The following DIP2C variants were observed in gnomAD, a reference collection of about 807,000 sequenced individuals.
The protein encoded by DIP2C is disco-interacting protein 2 homolog C.
A neutral mutation model predicts 192.4 loss-of-function variants in DIP2C; 33 were observed. The ratio of observed to expected loss-of-function variants is 0.17; its 90% confidence interval spans 0.13 to 0.23. The LOEUF (loss-of-function observed/expected upper bound fraction) is 0.23, where lower values mean the gene tolerates loss of function less well. Among genes scored for constraint, DIP2C ranks in the 10% least tolerant of loss-of-function variants. The pLI is 1.00. For synonymous variants in DIP2C, 979 were observed against 864.1 expected (o/e 1.13, Z -2.33); for missense variants, 1,537 against 2,110.1 (o/e 0.73, Z 5.32).
chr10:580,379 T>C (rs1314125430), intron 1 of DIP2C, among the ~76,000 whole-genome samples: 1 of 152,176 alleles, frequency 6.6e-6, no homozygotes, highest in Non-Finnish European at 1.5e-5. Flanking sequence ...CATGTATATA[T>C]ATAAGTACAC....
At position 472,601 on chromosome 10, in the gene DIP2C, C is replaced by T. The variant is rs535056948; in HGVS notation, c.158-52G>A. On this transcript the variant is annotated intron_variant, in intron 2 of 36. Transcript: ENST00000280886. The stretch of plus-strand genomic sequence containing the variant: ...GAGGTGTGACTGTACTCAGCGGAGT[C>T]AGCAGACTCTAACAAATCATGCCCT... 4.1e-6 allele frequency: 6 copies of T among 1,459,390 alleles called. No homozygotes were observed. In the Admixed American group the frequency reaches 5.4e-5, roughly 13 times the overall value. The allele number at this position is 1,459,390 out of a possible 1,614,324, so 90.4% of individuals were successfully genotyped here. A position where few individuals can be genotyped will look rare whatever the true frequency, so the allele number is the denominator to read the frequency against.
chr10:286,575 T>A (rs143958055), intron 33 of DIP2C, among the ~76,000 whole-genome samples: 2 of 152,212 alleles, frequency 1.3e-5, no homozygotes, highest in Admixed American at 1.3e-4. Context: ...TATGCTGTTA[T>A]GGTGACCTCA....
At chr10:435,613 T>G (rs546873630) in intron 4 of DIP2C, among the ~76,000 whole-genome samples, 1 of 152,342 alleles carries the variant, frequency 6.6e-6, no homozygotes, top group African/African-American at 2.4e-5. Flanking sequence ...CTGGGGACAG[T>G]GGCTTGCCTG....
chr10:644,245 G>A (rs1031169520), intron 1 of DIP2C, among the ~76,000 whole-genome samples: 6 of 152,258 alleles, frequency 3.9e-5, no homozygotes, highest in African/African-American at 1.4e-4. Context: ...CCAAGAGTGG[G>A]GATGGGGAGG....
At chr10:606,906 C>CCCCTA (rs1443423165) in intron 1 of DIP2C, among the ~76,000 whole-genome samples, 55 of 152,300 alleles carry the variant, frequency 3.6e-4, no homozygotes, top group Admixed American at 7.8e-4. Flanking sequence ...GTGACTCAGG[C>CCCCTA]TGGGGTCTGA....
rs947031779 is a variant in DIP2C, at chr10:636,560, C to T, written c.85+52934G>A. Among the ~76,000 whole-genome samples the T allele has an allele frequency of 3.9e-5, 6 of 152,182 alleles. No homozygotes were observed. Among genetic ancestry groups the T allele is most frequent in the South Asian group, 2.1e-4 (1 of 4,826 alleles). On this transcript the variant is annotated intron_variant, in intron 1 of 36. Coordinates refer to ENST00000280886, the MANE Select transcript of DIP2C (RefSeq NM_014974.3). This position sits in a 1 kb window ranked among gnomAD's most constrained non-coding sequence, Gnocchi z 4.6. The stretch of plus-strand genomic sequence containing the variant: ...CCCTCTGCAGCCGCAGAACCATCAT[C>T]GGCAGACAAGAACCATTTCAGAGCA...
chr10:523,573 A>G (rs1234366595), intron 1 of DIP2C, among the ~76,000 whole-genome samples: 1 of 147,178 alleles, frequency 6.8e-6, no homozygotes, highest in African/African-American at 2.5e-5. Flanking sequence ...CATGACCCAC[A>G]CGCTCGTTTC....
At chr10:560,968 C>T (rs2605905) in intron 1 of DIP2C, among the ~76,000 whole-genome samples, 3 of 152,030 alleles carry the variant, frequency 2.0e-5, no homozygotes, top group Non-Finnish European at 4.4e-5. Context: ...ACCCCTTAAT[C>T]GTACAACTCT....
At chr10:317,909 T>C (rs1467456347) in intron 31 of DIP2C, among the ~76,000 whole-genome samples, 2 of 152,250 alleles carry the variant, frequency 1.3e-5, no homozygotes, top group African/African-American at 4.8e-5. Flanking sequence ...AATTTTACAA[T>C]TCCATCTGTA....
intron 1 of DIP2C, among the ~76,000 whole-genome samples, chr10:501,704 A>G (rs1167392546): frequency 6.6e-6 from 1 of 152,164 alleles, no homozygotes; most frequent in African/African-American, 2.4e-5. Context: ...AACACAACTG[A>G]GTGAAATTAC....
chr10:470,060 T>C (rs1477401465), intron 3 of DIP2C, among the ~76,000 whole-genome samples: 2 of 152,158 alleles, frequency 1.3e-5, no homozygotes, highest in Non-Finnish European at 2.9e-5. Flanking sequence ...GTTTGATAGA[T>C]GGACGGATGG....
intron 7 of DIP2C, among the ~76,000 whole-genome samples, chr10:414,742 C>CGTGTGTGTGTGTGTGT: frequency 8.9e-6 from 1 of 112,550 alleles, no homozygotes; most frequent in East Asian, 2.7e-4. Flanking sequence ...TGTGTGTGTA[C>CGTGTGTGTGTGTGTGT]ATATATATAT....
chr10:494,053 T>G (rs1274881270), intron 1 of DIP2C, among the ~76,000 whole-genome samples: 2 of 152,204 alleles, frequency 1.3e-5, no homozygotes, highest in Non-Finnish European at 2.9e-5. Flanking sequence ...ATCTGAAAAG[T>G]CACGCTGGAC....
At chr10:662,978 G>A in intron 1 of DIP2C, 2 of 715,740 alleles carry the variant, frequency 2.8e-6, no homozygotes, top group Non-Finnish European at 5.2e-6. Flanking sequence ...CATGCTGATT[G>A]GTTTTATCTG....
rs548116868 is a variant in DIP2C at position 275,972 on chromosome 10, G to A, written c.*1353C>T. On this transcript the variant is annotated 3_prime_UTR_variant, in exon 37 of 37. Coordinates refer to ENST00000280886, the MANE Select transcript of DIP2C (RefSeq NM_014974.3). ...GTCTTAAGACGAGGGGACGATCACC[G>A]ATGTGAGTTCCGGACACTTTGTCCA... 1.1e-4 allele frequency: 17 copies of A among 152,378 alleles called. No homozygotes were observed. Among genetic ancestry groups the A allele is most frequent in the Non-Finnish European group, 1.9e-4 (13 of 68,062 alleles). The allele number at this position is 152,378 out of a possible 1,614,324, so 9.4% of individuals were successfully genotyped here. A position where few individuals can be genotyped will look rare whatever the true frequency, so the allele number is the denominator to read the frequency against.
At chr10:455,257 GC>G (rs1216104545) in intron 3 of DIP2C, among the ~76,000 whole-genome samples, 1 of 152,142 alleles carries the variant, frequency 6.6e-6, no homozygotes, top group African/African-American at 2.4e-5. Context: ...GTGAGTCCCT[GC>G]CTGAGGAGTG....
At chr10:331,004 T>TA (rs1201903044) in intron 29 of DIP2C, among the ~76,000 whole-genome samples, 5 of 139,904 alleles carry the variant, frequency 3.6e-5, no homozygotes, top group Non-Finnish European at 6.1e-5. Context: ...TTTTTGTAGA[T>TA]ACGGTTTCGT....
intron 8 of DIP2C, among the ~76,000 whole-genome samples, chr10:411,418 C>T (rs1388797282): frequency 6.6e-6 from 1 of 152,164 alleles, no homozygotes; most frequent in African/African-American, 2.4e-5. Flanking sequence ...TGATGTTTTA[C>T]AAGTTTATTC....
intron 1 of DIP2C, among the ~76,000 whole-genome samples, chr10:582,692 C>T (rs757529282): frequency 9.2e-5 from 14 of 152,210 alleles, no homozygotes; most frequent in South Asian, 4.1e-4. Flanking sequence ...GGAAGAAAAG[C>T]GTGTCTCCAA....
Sources: allele counts gnomAD v4.1 joint callset (sites outside exome capture counted in the v4.1 genomes callset), GRCh38; gene constraint gnomAD v4.1.1; non-coding constraint Gnocchi (gnomAD v3.1); transcripts MANE v1.5; gene names NCBI Gene and HGNC (gene_info 2026-07-23, HGNC 2026-07-21).